The following MOB3B variants were observed in gnomAD, a reference collection of about 807,000 sequenced individuals.
MOB3B encodes the protein MOB kinase activator 3B.
Under a neutral mutation model 18.7 loss-of-function variants are expected in MOB3B, and 7 were observed. The ratio of observed to expected loss-of-function variants is 0.37; its 90% confidence interval spans 0.21 to 0.70. The LOEUF is 0.70. Among genes scored for constraint, MOB3B ranks in the 30% least tolerant of loss-of-function variants. MOB3B has a pLI of 0.52. For synonymous variants in MOB3B, 111 were observed against 99.9 expected, an observed-to-expected ratio of 1.11 and a Z score of -0.66; for missense variants, 253 against 281.3, an observed-to-expected ratio of 0.90 and a Z score of 0.72.
intron 2 of MOB3B, among the ~76,000 whole-genome samples, chr9:27,424,898 G>A (rs1822304431): frequency 6.6e-6 from 1 of 152,176 alleles, no homozygotes; most frequent in Non-Finnish European, 1.5e-5. Flanking sequence ...TCCAGAAACT[G>A]TCCTCAACCT....
chr9:27,360,349 C>CA (rs1821256675), intron 2 of MOB3B, among the ~76,000 whole-genome samples: 1 of 151,990 alleles, frequency 6.6e-6, no homozygotes, highest in African/African-American at 2.4e-5. Context: ...ACTAAAAATA[C>CA]AAAAAAATTA....
At position 27,488,384 on chromosome 9, in the gene MOB3B, T is replaced by C. The variant is rs533070418; in HGVS notation, c.-198-32636A>G. Among the ~76,000 whole-genome samples the C allele has an allele frequency of 1.2e-4, 18 of 152,284 alleles. No individual in the cohort carries two copies. In the South Asian group the frequency reaches 3.5e-3, roughly 30 times the overall value. On this transcript the variant is annotated intron_variant, in intron 1 of 3. Transcript: ENST00000262244. The stretch of plus-strand genomic sequence containing the variant: ...TAATGTTTTACACAGAGATCCAAGA[T>C]TGGTATCACATCTCTCTTTTTATAT...
intron 2 of MOB3B, among the ~76,000 whole-genome samples, chr9:27,429,159 C>A (rs1822382885): frequency 6.6e-6 from 1 of 152,170 alleles, no homozygotes; most frequent in Admixed American, 6.5e-5. Flanking sequence ...ACTTCTAGAG[C>A]TTCTCATAAA....
rs1820732177 is a variant in MOB3B, at chr9:27,327,668, A to G, written c.*2919T>C. On this transcript the variant is annotated 3_prime_UTR_variant, in exon 4 of 4. Coordinates refer to ENST00000262244, the MANE Select transcript of MOB3B (RefSeq NM_024761.5). ...AAACAAAAGAGAATGACAACTACAT[A>G]TAACGTATAATTCTTGATTGGATCC... The G allele has an allele frequency of 6.6e-6, 1 of 152,198 alleles. No individual in the cohort carries two copies. Among genetic ancestry groups the G allele is most frequent in the Non-Finnish European group, 1.5e-5 (1 of 68,040 alleles). 9.4% of individuals were successfully genotyped at this position (152,198 alleles called of 1,614,324 possible).
chr9:27,445,489 T>C (rs1380065265), intron 2 of MOB3B, among the ~76,000 whole-genome samples: 1 of 152,164 alleles, frequency 6.6e-6, no homozygotes, highest in African/African-American at 2.4e-5. Context: ...CACAGGTAGT[T>C]TCTAGCGACT....
chr9:27,423,731 T>G (rs971839927), intron 2 of MOB3B, among the ~76,000 whole-genome samples: 1 of 152,238 alleles, frequency 6.6e-6, no homozygotes, highest in African/African-American at 2.4e-5. Context: ...AATGCCTTCA[T>G]ATGGCAGGCA....
chr9:27,400,937 C>T (rs1344306565), intron 2 of MOB3B, among the ~76,000 whole-genome samples: 3 of 152,206 alleles, frequency 2.0e-5, no homozygotes, highest in African/African-American at 7.2e-5. Flanking sequence ...CACAAGGTTC[C>T]TCATTTCCAT....
chr9:27,361,617 T>A (rs1821275583), intron 2 of MOB3B, among the ~76,000 whole-genome samples: 1 of 152,222 alleles, frequency 6.6e-6, no homozygotes, highest in South Asian at 2.1e-4. Flanking sequence ...CTAGGAACTG[T>A]GCCAAGCCCT....
rs530770088 is a variant in MOB3B, at chr9:27,481,524, T to G, written c.-198-25776A>C. Among the ~76,000 whole-genome samples the G allele has an allele frequency of 4.2e-3, 607 of 144,626 alleles. 10 individuals are homozygous for G. Among genetic ancestry groups the G allele is most frequent in the Middle Eastern group, 0.011 (3 of 280 alleles). 94.9% of individuals were successfully genotyped at this position (144,626 alleles called of 152,430 possible). A position where few individuals can be genotyped will look rare whatever the true frequency, so the allele number is the denominator to read the frequency against. On this transcript the variant is annotated intron_variant, in intron 1 of 3. Transcript: ENST00000262244. The stretch of plus-strand genomic sequence containing the variant: ...TTTTTTTTTTTTGTTTTTTTTGTTT[T>G]TTTTTTTTTTTGAGACGGAGTCTAG...
intron 2 of MOB3B, among the ~76,000 whole-genome samples, chr9:27,443,992 G>A (rs1822637505): frequency 6.6e-6 from 1 of 151,938 alleles, no homozygotes; most frequent in East Asian, 1.9e-4. Context: ...TGTTCTCTCT[G>A]AGCCCCATCT....
At chr9:27,411,908 T>G (rs993279797) in intron 2 of MOB3B, among the ~76,000 whole-genome samples, 3 of 152,142 alleles carry the variant, frequency 2.0e-5, no homozygotes, top group African/African-American at 7.2e-5. Context: ...GTTCTAATAA[T>G]AGGGGAAATT....
At chr9:27,342,811 C>T (rs747384059) in intron 3 of MOB3B, among the ~76,000 whole-genome samples, 8 of 151,638 alleles carry the variant, frequency 5.3e-5, no homozygotes, top group East Asian at 2.1e-4. Flanking sequence ...GATCTCCGCT[C>T]GCTACAACCT....
intron 1 of MOB3B, among the ~76,000 whole-genome samples, chr9:27,464,883 G>A (rs1357884871): frequency 6.6e-6 from 1 of 152,138 alleles, no homozygotes; most frequent in Non-Finnish European, 1.5e-5. Context: ...GGGAAAGACT[G>A]GCCCCCATGA....
At chr9:27,452,514 T>A (rs1239671318) in intron 2 of MOB3B, among the ~76,000 whole-genome samples, 1 of 152,132 alleles carries the variant, frequency 6.6e-6, no homozygotes, top group Non-Finnish European at 1.5e-5. Context: ...AGATGCTTAT[T>A]AAAAGTACAG....
At chr9:27,472,172 T>C (rs1819482403) in intron 1 of MOB3B, among the ~76,000 whole-genome samples, 1 of 152,160 alleles carries the variant, frequency 6.6e-6, no homozygotes, top group Admixed American at 6.5e-5. Flanking sequence ...GGGAGTTGTT[T>C]TGGTTTTTCT....
chr9:27,498,517 G>A (rs1819936093), intron 1 of MOB3B, among the ~76,000 whole-genome samples: 2 of 152,192 alleles, frequency 1.3e-5, no homozygotes, highest in Admixed American at 1.3e-4. Context: ...AAAGTTAGAA[G>A]AACTTGCTTC....
At chr9:27,339,674 T>A (rs1264296971) in intron 3 of MOB3B, among the ~76,000 whole-genome samples, 1 of 152,250 alleles carries the variant, frequency 6.6e-6, no homozygotes, top group Non-Finnish European at 1.5e-5. Flanking sequence ...ACATCACTAA[T>A]AATTACCCTG....
intron 1 of MOB3B, among the ~76,000 whole-genome samples, chr9:27,497,099 T>C (rs1414222073): frequency 6.6e-6 from 1 of 152,222 alleles, no homozygotes; most frequent in Non-Finnish European, 1.5e-5. Flanking sequence ...TCAAAGAATA[T>C]TCTGAGTAGC....
chr9:27,433,234 GT>G (rs1418870460), intron 2 of MOB3B, among the ~76,000 whole-genome samples: 2 of 151,830 alleles, frequency 1.3e-5, no homozygotes, highest in Admixed American at 1.3e-4. Flanking sequence ...ATATATGTAT[GT>G]TTTTATTATA....
Sources: gnomAD v4.1 joint callset for allele counts (sites outside exome capture counted in the v4.1 genomes callset) on GRCh38, gnomAD v4.1.1 for gene constraint, MANE v1.5 for transcripts, NCBI Gene and HGNC (gene_info 2026-07-23, HGNC 2026-07-21) for gene names.